The following PLEKHM2 variants were observed in gnomAD, a reference collection of about 807,000 sequenced individuals.
The protein encoded by PLEKHM2 is pleckstrin homology domain-containing family M member 2.
A neutral mutation model predicts 116.3 loss-of-function variants in PLEKHM2; 77 were observed. That is an observed-to-expected ratio of 0.66 (90% CI 0.55 to 0.80). PLEKHM2 has a LOEUF of 0.80. Among genes scored for constraint, PLEKHM2 ranks in the 30% least tolerant of loss-of-function variants. PLEKHM2 has a pLI of 0.00. For missense variants in PLEKHM2, 1,183 were observed against 1,354.9 expected (o/e 0.87, Z 1.99); for synonymous variants, 562 against 571.0 (o/e 0.98, Z 0.22).
intron 1 of PLEKHM2, among the ~76,000 whole-genome samples, chr1:15,712,650 T>C (rs1049517252): frequency 6.2e-5 from 9 of 146,052 alleles, no homozygotes; most frequent in Non-Finnish European, 1.4e-4. Flanking sequence ...TTATTTTCCT[T>C]TTTTTTTTTT....
intron 1 of PLEKHM2, among the ~76,000 whole-genome samples, chr1:15,706,362 A>G (rs1290217509): frequency 6.6e-6 from 1 of 151,844 alleles, no homozygotes; most frequent in East Asian, 1.9e-4. Flanking sequence ...CACAATAGCC[A>G]TTTCCTCAGG....
At chr1:15,726,832 C>T (rs887699631) in intron 8 of PLEKHM2, among the ~76,000 whole-genome samples, 182 bp from the exon 9 acceptor site, 18 of 151,958 alleles carry the variant, frequency 1.2e-4, no homozygotes, top group Non-Finnish European at 1.6e-4. Flanking sequence ...GGGGGTGCCT[C>T]GGGGCCTGAG....
At position 15,728,977 on chromosome 1, in the gene PLEKHM2, C is replaced by A; in HGVS notation, c.1987-125C>A. The A allele has an allele frequency of 1.1e-6, 1 of 921,748 alleles. No individual in the cohort carries two copies. The highest frequency in any genetic ancestry group is 1.7e-6 in the Non-Finnish European group (1 of 588,548). The allele number at this position is 921,748 out of a possible 1,614,324, so 57.1% of individuals were successfully genotyped here. ...TCATGCCAGCCCCTGGCCTCTGGGG[C>A]TTTACTTGGTGGTGGCCCGGGGTGT... On this transcript the variant is annotated intron_variant, in intron 12 of 19. Coordinates refer to ENST00000375799, the MANE Select transcript of PLEKHM2 (RefSeq NM_015164.4). This position sits in a 1 kb window ranked among gnomAD's most constrained non-coding sequence, Gnocchi z 5.9.
intron 7 of PLEKHM2, among the ~76,000 whole-genome samples, chr1:15,722,068 G>T (rs575052241): frequency 1.3e-5 from 2 of 152,368 alleles, no homozygotes; most frequent in African/African-American, 4.8e-5. Flanking sequence ...CAAAGCAAAG[G>T]CTATGTTGCC....
chr1:15,734,255 C>T lies in PLEKHM2; in HGVS notation c.*321C>T, dbSNP rs996511649. On this transcript the variant is annotated 3_prime_UTR_variant, in exon 20 of 20. Coordinates refer to ENST00000375799, the MANE Select transcript of PLEKHM2 (RefSeq NM_015164.4). Reference sequence around the variant, plus strand: ...CTGCAGAATTTCTGCCGAGTGGCACCGAGAACACCATCCATCTAAGGACGA... The same window carrying T: ...CTGCAGAATTTCTGCCGAGTGGCACTGAGAACACCATCCATCTAAGGACGA... 4 of 336,150 alleles carry T rather than the reference C, an allele frequency of 1.2e-5. No homozygotes were observed. The highest frequency in any genetic ancestry group is 5.0e-5 in the South Asian group (1 of 20,142). 20.8% of individuals were successfully genotyped at this position (336,150 alleles called of 1,614,324 possible).
intron 1 of PLEKHM2, among the ~76,000 whole-genome samples, chr1:15,705,357 A>G (rs1253933826): frequency 6.6e-6 from 1 of 150,806 alleles, no homozygotes; most frequent in Non-Finnish European, 1.5e-5. Flanking sequence ...AATTTTTTGT[A>G]TTTTTGCTGA....
chr1:15,717,833 C>A, intron 3 of PLEKHM2, 60 bp from the exon 4 acceptor site: 1 of 1,109,668 alleles, frequency 9.0e-7, no homozygotes, highest in Non-Finnish European at 1.3e-6. Flanking sequence ...GCTTGCTTGG[C>A]AAATAAAAGC....
Position 15,728,265 on chromosome 1 carries a change from AGAT to A in PLEKHM2, c.1833_1835del (p.Met611del), listed in dbSNP as rs2068092962. ...CTGACCCTTGTCTGCTTCGGCCCCC[AGAT>A]GATCCGGATGAGCACCGGGCACATG... On this transcript the variant is annotated splice_acceptor_variant and coding_sequence_variant, in exon 11 of 20. Coordinates refer to ENST00000375799, the MANE Select transcript of PLEKHM2 (RefSeq NM_015164.4). LOFTEE classifies it high-confidence loss of function. This position sits in a 1 kb window ranked among gnomAD's most constrained non-coding sequence, Gnocchi z 5.9. 4.3e-6 allele frequency: 7 copies of A among 1,613,222 alleles called. No homozygotes were observed. Among genetic ancestry groups the A allele is most frequent in the Non-Finnish European group, 5.9e-6 (7 of 1,179,744 alleles).
intron 1 of PLEKHM2, 28 bp from the exon 2 acceptor site, chr1:15,716,209 G>T (rs764747054): frequency 1.5e-6 from 2 of 1,339,658 alleles, no homozygotes; most frequent in South Asian, 2.6e-5. Flanking sequence ...ATCCATTTCT[G>T]ATTTGGAGGT....
chr1:15,727,529 G>A lies in PLEKHM2; in HGVS notation c.1457G>A (p.Gly486Glu), dbSNP rs753161597. The A allele has an allele frequency of 6.3e-7, 1 of 1,578,012 alleles. No individual in the cohort carries two copies. Among genetic ancestry groups the A allele is most frequent in the South Asian group, 1.2e-5 (1 of 86,672 alleles). Residue 486 changes from glycine to glutamate, a missense_variant, in exon 9 of 20, where the codon GGG becomes GAG. Gly to Glu is a moderately conservative substitution (Grantham distance 98, BLOSUM62 -2). This residue lies in a region of PLEKHM2 where 594 missense variants were observed against 720.1 expected (regional missense o/e 0.82). Transcript: ENST00000375799. This position sits in a 1 kb window ranked among gnomAD's most constrained non-coding sequence, Gnocchi z 7.5. ...TSGGGHHDPA[G>E]LGQPLHVPSS... is the part of the protein sequence containing the mutation. Reference sequence around the variant, plus strand: ...GGTGGCGGCCACCATGACCCTGCAGGGCTTGGCCAACCGCTGCATGTTCCT... The same window carrying A: ...GGTGGCGGCCACCATGACCCTGCAGAGCTTGGCCAACCGCTGCATGTTCCT...
rs1428876693 is a variant in PLEKHM2, at chr1:15,733,862, C to T, written c.2988C>T (p.Ser996=). 24 of 1,612,936 alleles carry T rather than the reference C, an allele frequency of 1.5e-5. No individual in the cohort carries two copies. The highest frequency in any genetic ancestry group is 1.8e-5 in the Non-Finnish European group (21 of 1,179,842). The part of the protein sequence containing the change: ...SNKKKFEDAL[S]LIHSAWQRSD... ...AGAAGAAATTCGAGGATGCCTTGAG[C>T]CTCATCCACAGCGCCTGGCAGCGGA... Residue 996 remains serine (S), a synonymous_variant, in exon 20 of 20, where the codon AGC becomes AGT. Coordinates refer to ENST00000375799, the MANE Select transcript of PLEKHM2 (RefSeq NM_015164.4).
intron 1 of PLEKHM2, 104 bp from the exon 2 acceptor site, chr1:15,716,133 T>C: frequency 1.4e-6 from 1 of 694,676 alleles, no homozygotes; most frequent in Non-Finnish European, 2.5e-6. Context: ...TCATTGTGGA[T>C]ACACCATTTG....
intron 1 of PLEKHM2, among the ~76,000 whole-genome samples, chr1:15,705,656 G>A (rs1641211582): frequency 6.6e-6 from 1 of 152,110 alleles, no homozygotes; most frequent in Non-Finnish European, 1.5e-5. Flanking sequence ...TCTGCCTTCA[G>A]ACCCTGCATC....
At position 15,720,148 on chromosome 1, in the gene PLEKHM2, AT is replaced by A. The variant is rs56985150; in HGVS notation, c.652+229del. 0.13 allele frequency among the ~76,000 whole-genome samples: 19,097 copies of A among 148,106 alleles called. 2,039 individuals are homozygous for A. Among genetic ancestry groups the A allele is most frequent in the African/African-American group, 0.29 (11,778 of 40,348 alleles). ...TGAAATTATATATATATATATATAT[AT>A]AAAATATATATTTTTTAAGGTTAGA... On this transcript the variant is annotated intron_variant, in intron 6 of 19. Coordinates refer to ENST00000375799, the MANE Select transcript of PLEKHM2 (RefSeq NM_015164.4).
At chr1:15,705,428 C>T (rs566627245) in intron 1 of PLEKHM2, among the ~76,000 whole-genome samples, 99 of 152,112 alleles carry the variant, frequency 6.5e-4, no homozygotes, top group African/African-American at 2.3e-3. Flanking sequence ...ACGATCCACT[C>T]ACCTCGGCCT....
In PLEKHM2 at chr1:15,728,748, C is replaced by G; in HGVS notation, c.1986+15C>G. On this transcript the variant is annotated intron_variant, in intron 12 of 19. Transcript: ENST00000375799. The surrounding 1 kb of genome is among the most constrained non-coding windows in gnomAD (Gnocchi z 5.9). Reference sequence around the variant, plus strand: ...ACTATGTGTCGGTGAGTCCAGGCCCCGCAGTTGTGCGCCTGCTGTAGGTAC... The same window carrying G: ...ACTATGTGTCGGTGAGTCCAGGCCCGGCAGTTGTGCGCCTGCTGTAGGTAC... The G allele has an allele frequency of 6.3e-7, 1 of 1,597,686 alleles. No individual in the cohort carries two copies. Among genetic ancestry groups the G allele is most frequent in the Admixed American group, 1.7e-5 (1 of 57,768 alleles).
Position 15,719,458 on chromosome 1 carries a change from A to T in PLEKHM2, c.466-276A>T, listed in dbSNP as rs557519928. Among the ~76,000 whole-genome samples, 68 of 151,574 alleles carry T rather than the reference A, an allele frequency of 4.5e-4. No homozygotes were observed. Among genetic ancestry groups the T allele is most frequent in the Non-Finnish European group, 5.6e-4 (38 of 68,018 alleles). On this transcript the variant is annotated intron_variant, in intron 5 of 19. Transcript: ENST00000375799. The surrounding 1 kb of genome is among the most constrained non-coding windows in gnomAD (Gnocchi z 4.1). ...AGAGTGAGACTCTGTCTCAAAAAAAAAAATAAATAAATAGAGAGAGAGAGA... is the reference window on the plus strand; with the variant it reads ...AGAGTGAGACTCTGTCTCAAAAAAATAAATAAATAAATAGAGAGAGAGAGA...
intron 1 of PLEKHM2, among the ~76,000 whole-genome samples, chr1:15,714,173 C>A (rs1166356197): frequency 6.6e-6 from 1 of 151,974 alleles, no homozygotes; most frequent in Non-Finnish European, 1.5e-5. Context: ...AACTCCTGAC[C>A]TCGTGATCCA....
At chr1:15,715,360 G>C (rs112156717) in intron 1 of PLEKHM2, among the ~76,000 whole-genome samples, 38 of 151,636 alleles carry the variant, frequency 2.5e-4, no homozygotes, top group African/African-American at 9.0e-4. Context: ...AAAACAAACA[G>C]GCCGGGCACA....
Sources: allele counts gnomAD v4.1 joint callset (sites outside exome capture counted in the v4.1 genomes callset), GRCh38; gene constraint gnomAD v4.1.1; regional missense constraint gnomAD v4.1.1; non-coding constraint Gnocchi (gnomAD v3.1); transcripts MANE v1.5; gene names NCBI Gene and HGNC (gene_info 2026-07-23, HGNC 2026-07-21).